Variants in TTC34 observed in about 807,000 individuals in gnomAD.
TTC34 encodes tetratricopeptide repeat protein 34.
In TTC34, 44 loss-of-function variants were observed where a neutral mutation model predicts 40.7. The observed-to-expected ratio is 1.08, with a 90% CI of 0.85 to 1.39. The LOEUF (loss-of-function observed/expected upper bound fraction) is 1.39, where lower values mean the gene tolerates loss of function less well. Among genes scored for constraint, TTC34 ranks in the 40% most tolerant of loss-of-function variants. TTC34 has a pLI of 0.00. For missense variants in TTC34, 884 were observed against 838.0 expected (o/e 1.05, Z -0.68); for synonymous variants, 422 against 398.6 (o/e 1.06, Z -0.70).
chr1:2,660,211 G>GAC (rs1639492839), intron 6 of TTC34, among the ~76,000 whole-genome samples: 1 of 11,000 alleles, frequency 9.1e-5, no homozygotes, highest in Non-Finnish European at 2.0e-4. Context: ...ATCTGACATC[G>GAC]TGGAGCAGCA....
At chr1:2,685,149 G>T (rs537402087) in intron 6 of TTC34, among the ~76,000 whole-genome samples, 4 of 140,336 alleles carry the variant, frequency 2.9e-5, no homozygotes, top group Admixed American at 2.2e-4. Flanking sequence ...GCCTGGAACA[G>T]CACCCACAAC....
rs1197272300 is a variant in TTC34, at chr1:2,751,659, C to T, written c.2226+31950G>A. The stretch of plus-strand genomic sequence containing the variant: ...AACAGCACCCACACCCCCAGTTGAG[C>T]ATTGGACAGCCTGGATCAGCACCCA... On this transcript the variant is annotated intron_variant, in intron 6 of 8. Transcript: ENST00000401095. Among the ~76,000 whole-genome samples, 25 of 138,804 alleles carry T rather than the reference C, an allele frequency of 1.8e-4. 3 individuals are homozygous for T. Among genetic ancestry groups the T allele is most frequent in the Non-Finnish European group, 2.8e-4 (18 of 63,936 alleles). 91.1% of individuals were successfully genotyped at this position (138,804 alleles called of 152,430 possible).
intron 6 of TTC34, among the ~76,000 whole-genome samples, chr1:2,699,446 C>T (rs1569653400): frequency 3.2e-5 from 3 of 95,066 alleles, no homozygotes; most frequent in African/African-American, 9.6e-5. Context: ...TGGAACATCA[C>T]CCCGCACCCA....
intron 8 of TTC34, among the ~76,000 whole-genome samples, chr1:2,642,581 A>G (rs188253084): frequency 6.6e-6 from 1 of 152,158 alleles, no homozygotes; most frequent in Non-Finnish European, 1.5e-5. Context: ...GTTTTTTCAC[A>G]GAGTCAACCA....
rs1207371129 is a variant in TTC34, at chr1:2,752,312, C to T, written c.2226+31297G>A. Among the ~76,000 whole-genome samples the T allele has an allele frequency of 4.4e-5, 5 of 114,356 alleles. 2 individuals carry two copies. The East Asian group carries it at 1.3e-3, about 30-fold the overall frequency. The allele number at this position is 114,356 out of a possible 152,430, so 75.0% of individuals were successfully genotyped here. On this transcript the variant is annotated intron_variant, in intron 6 of 8. Transcript: ENST00000401095. ...GCACCCCCAGGGGAGCATCTGACAGCCTGGAACAGCACGCACACCCCCAGG... is the reference window on the plus strand; with the variant it reads ...GCACCCCCAGGGGAGCATCTGACAGTCTGGAACAGCACGCACACCCCCAGG...
intron 6 of TTC34, among the ~76,000 whole-genome samples, chr1:2,768,278 A>C (rs544360161): frequency 4.0e-5 from 6 of 151,850 alleles, no homozygotes; most frequent in Admixed American, 1.3e-4. Context: ...TGGGGATGGA[A>C]GGTGCCATTG....
At chr1:2,781,400 A>G (rs1157478298) in intron 6 of TTC34, among the ~76,000 whole-genome samples, 1 of 152,158 alleles carries the variant, frequency 6.6e-6, no homozygotes, top group African/African-American at 2.4e-5. Context: ...TACTTTGCTG[A>G]ATTCATTTAT....
At chr1:2,652,462 A>G (rs1243697802) in intron 6 of TTC34, among the ~76,000 whole-genome samples, 2 of 152,052 alleles carry the variant, frequency 1.3e-5, no homozygotes, top group African/African-American at 4.8e-5. Flanking sequence ...TGAGCATCCG[A>G]CAGCCTGGAG....
At chr1:2,798,097 CAAG>C (rs1643728551) in intron 2 of TTC34, among the ~76,000 whole-genome samples, 1 of 147,146 alleles carries the variant, frequency 6.8e-6, no homozygotes, top group Non-Finnish European at 1.5e-5. Flanking sequence ...CCCCAGCCTC[CAAG>C]CCTCTGAGCC....
At chr1:2,698,756 C>G (rs1365233286) in intron 6 of TTC34, among the ~76,000 whole-genome samples, 2 of 144,128 alleles carry the variant, frequency 1.4e-5, no homozygotes, top group African/African-American at 5.1e-5. Flanking sequence ...CAGCCTGGAG[C>G]AGGACCCACA....
At chr1:2,757,496 G>T (rs1641544801) in intron 6 of TTC34, among the ~76,000 whole-genome samples, 2 of 74,520 alleles carry the variant, frequency 2.7e-5, no homozygotes, top group East Asian at 7.1e-4. Flanking sequence ...GGACAGCCTG[G>T]ATCAGCACCC....
chr1:2,684,678 C>A (rs6661848), intron 6 of TTC34, among the ~76,000 whole-genome samples: 1 of 128,240 alleles, frequency 7.8e-6, no homozygotes, highest in South Asian at 2.5e-4. Flanking sequence ...CACCCACACG[C>A]CCAGGTGAGC....
chr1:2,687,941 C>T (rs529404861), intron 6 of TTC34, among the ~76,000 whole-genome samples: 42 of 149,270 alleles, frequency 2.8e-4, no homozygotes, highest in African/African-American at 1.0e-3. Context: ...AGGTGAGCCT[C>T]TGACAGCCTG....
At chr1:2,778,866 C>T (rs962667191) in intron 6 of TTC34, among the ~76,000 whole-genome samples, 2 of 152,190 alleles carry the variant, frequency 1.3e-5, no homozygotes, top group Non-Finnish European at 2.9e-5. Context: ...AGAACTAGCT[C>T]ATCTTCCCAA....
chr1:2,790,382 G>T, intron 2 of TTC34, 36 bp from the exon 3 acceptor site: 1 of 398,502 alleles, frequency 2.5e-6, no homozygotes. Context: ...TTCTGCCTGG[G>T]GGGCCGACTC....
intron 6 of TTC34, among the ~76,000 whole-genome samples, chr1:2,751,333 G>C (rs1293878938): frequency 7.0e-6 from 1 of 143,642 alleles, no homozygotes; most frequent in African/African-American, 2.7e-5. Context: ...ACACCCCCAG[G>C]CGAGCATCTG....
chr1:2,787,369 TG>T, intron 4 of TTC34, 111 bp downstream of exon 4: 2 of 1,000,400 alleles, frequency 2.0e-6, no homozygotes, highest in Non-Finnish European at 2.8e-6. Flanking sequence ...TGCAGTCGCC[TG>T]GTCCAAAGCC....
chr1:2,646,041 G>T (rs1390791003), intron 6 of TTC34, among the ~76,000 whole-genome samples: 1 of 152,132 alleles, frequency 6.6e-6, no homozygotes, highest in African/African-American at 2.4e-5. Flanking sequence ...CGCCGGAAGG[G>T]TAGAAAGCCC....
At chr1:2,768,929 A>C (rs1486184921) in intron 6 of TTC34, among the ~76,000 whole-genome samples, 14 of 45,690 alleles carry the variant, frequency 3.1e-4, no homozygotes, top group African/African-American at 9.0e-4. Flanking sequence ...CAGCCTGGAA[A>C]CCCCCCCACT....
Sources: allele counts gnomAD v4.1 joint callset (sites outside exome capture counted in the v4.1 genomes callset), GRCh38; gene constraint gnomAD v4.1.1; transcripts MANE v1.5; gene names NCBI Gene and HGNC (gene_info 2026-07-23, HGNC 2026-07-21).